TENM2: variants seen among roughly 807,000 people sequenced by gnomAD.
The protein encoded by TENM2 is teneurin-2.
A neutral mutation model predicts 245.2 loss-of-function variants in TENM2; 52 were observed. The observed-to-expected ratio is 0.21, with a 90% CI of 0.17 to 0.27. The LOEUF is 0.27. Among genes scored for constraint, TENM2 ranks in the 10% least tolerant of loss-of-function variants. TENM2 has a pLI of 1.00. For synonymous variants in TENM2, 1,363 were observed against 1,438.9 expected (o/e 0.95, Z 1.19); for missense variants, 3,046 against 3,666.8 (o/e 0.83, Z 4.37).
chr5:167,936,603 A>C (rs1225083700), intron 3 of TENM2, among the ~76,000 whole-genome samples: 1 of 152,184 alleles, frequency 6.6e-6, no homozygotes, highest in Non-Finnish European at 1.5e-5. Flanking sequence ...AGTCTATCCT[A>C]TTCTTAGCAT....
intron 2 of TENM2, among the ~76,000 whole-genome samples, chr5:167,639,830 C>T (rs1220903008): frequency 6.6e-6 from 1 of 152,108 alleles, no homozygotes; most frequent in Non-Finnish European, 1.5e-5. Flanking sequence ...TAAAACAGTG[C>T]CTGGTACATG....
At chr5:167,392,278 T>C (rs547745492) in intron 2 of TENM2, among the ~76,000 whole-genome samples, 12 of 152,286 alleles carry the variant, frequency 7.9e-5, no homozygotes, top group African/African-American at 2.9e-4. Context: ...TATGTGTCAG[T>C]TTGACTGGAC....
intron 4 of TENM2, 145 bp downstream of exon 6, chr5:167,952,967 C>G: frequency 1.5e-6 from 1 of 678,644 alleles, no homozygotes; most frequent in Non-Finnish European, 2.5e-6. Flanking sequence ...CTCCTTGTTC[C>G]CTTGGTAATT....
chr5:167,751,980 G>A lies in TENM2; in HGVS notation c.503-124006G>A, dbSNP rs542684379. Among the ~76,000 whole-genome samples, 11 of 147,238 alleles carry A rather than the reference G, an allele frequency of 7.5e-5. No individual in the cohort carries two copies. The East Asian group carries it at 9.2e-4, about 12-fold the overall frequency. On this transcript the variant is annotated intron_variant, in intron 2 of 28. Transcript: ENST00000518659. ...CACACACACACACACACACACATGC[G>A]CGCACACGATTGTGCAAATAAATAT...
At chr5:167,412,976 T>C (rs1762985629) in intron 2 of TENM2, among the ~76,000 whole-genome samples, 1 of 151,898 alleles carries the variant, frequency 6.6e-6, no homozygotes, top group South Asian at 2.1e-4. Flanking sequence ...CCCTGCCAAA[T>C]GTTAATCCCT....
the TENM2 span, among the ~76,000 whole-genome samples, chr5:167,268,334 C>A: frequency 0.11 from 17,187 of 152,212 alleles, 1,135 homozygotes; most frequent in East Asian, 0.18. Flanking sequence ...GCAGTTAAAT[C>A]CAAATGCATC....
rs555289255 is a variant in TENM2 at position 167,990,414 on chromosome 5, C to T, written c.948-2530C>T. ...TGGTTAAGTTCTTTTGCTACGTAAT[C>T]CTGCATGATATTGTAGGATTAGTGA... On this transcript the variant is annotated intron_variant, in intron 4 of 28. Coordinates refer to ENST00000518659, the Ensembl canonical transcript of TENM2. Among the ~76,000 whole-genome samples the T allele has an allele frequency of 1.3e-3, 201 of 152,282 alleles. 1 individual carries two copies. Among genetic ancestry groups the T allele is most frequent in the African/African-American group, 4.7e-3 (194 of 41,558 alleles).
At chr5:167,964,059 C>G (rs964107816) in intron 4 of TENM2, among the ~76,000 whole-genome samples, 1 of 152,090 alleles carries the variant, frequency 6.6e-6, no homozygotes. Flanking sequence ...TTACAGAATC[C>G]CTCTACCCTC....
At chr5:167,261,410 A>G in the TENM2 span, among the ~76,000 whole-genome samples, 7,680 of 152,178 alleles carry the variant, frequency 0.05, 277 homozygotes, top group Non-Finnish European at 0.078. Flanking sequence ...GAATTCCATG[A>G]GATCATGCAC....
chr5:168,212,969 G>C (rs985571180), intron 20 of TENM2, among the ~76,000 whole-genome samples: 1 of 152,114 alleles, frequency 6.6e-6, no homozygotes, highest in African/African-American at 2.4e-5. Flanking sequence ...CCTCAAATCA[G>C]GCTCCCTAGA....
the TENM2 span, among the ~76,000 whole-genome samples, chr5:167,237,670 A>G: frequency 6.6e-6 from 1 of 152,184 alleles, no homozygotes; most frequent in Non-Finnish European, 1.5e-5. Context: ...AATGAATGTC[A>G]GCAGCTTGGA....
the TENM2 span, among the ~76,000 whole-genome samples, chr5:167,114,145 T>A: frequency 2.0e-5 from 3 of 152,220 alleles, no homozygotes; most frequent in Admixed American, 6.5e-5. Flanking sequence ...ATCATTTTGT[T>A]TTTTTGTTCT....
intron 2 of TENM2, among the ~76,000 whole-genome samples, chr5:167,625,424 GTTA>G (rs1361186521): frequency 1.3e-5 from 2 of 151,932 alleles, no homozygotes; most frequent in African/African-American, 4.8e-5. Context: ...CATCCAAAAT[GTTA>G]TTATTAATAA....
the TENM2 span, among the ~76,000 whole-genome samples, chr5:167,241,863 T>C: frequency 6.6e-6 from 1 of 152,154 alleles, no homozygotes; most frequent in African/African-American, 2.4e-5. Context: ...AGAGTAACGG[T>C]TGATGGCTGA....
intron 6 of TENM2, among the ~76,000 whole-genome samples, chr5:168,048,532 A>G (rs1788810709): frequency 1.3e-5 from 2 of 152,208 alleles, no homozygotes; most frequent in African/African-American, 4.8e-5. Context: ...AAGGAAGGAA[A>G]AATCTCTCTG....
intron 9 of TENM2, among the ~76,000 whole-genome samples, chr5:168,114,724 G>A (rs1194156563): frequency 6.6e-6 from 1 of 152,204 alleles, no homozygotes; most frequent in Non-Finnish European, 1.5e-5. Context: ...AGCCCATTGA[G>A]TGTCCTGCTT....
At chr5:167,385,177 G>C (rs1225545241) in intron 2 of TENM2, among the ~76,000 whole-genome samples, 1 of 152,066 alleles carries the variant, frequency 6.6e-6, no homozygotes, top group African/African-American at 2.4e-5. Context: ...GGTGAACGTT[G>C]GCTAGAACTA....
chr5:167,660,798 AT>A (rs1312501647), intron 2 of TENM2, among the ~76,000 whole-genome samples: 2 of 152,124 alleles, frequency 1.3e-5, no homozygotes, highest in East Asian at 3.9e-4. Context: ...TGTATTACAT[AT>A]TTTATGTTCC....
intron 5 of TENM2, among the ~76,000 whole-genome samples, chr5:168,021,492 C>A (rs1786139101): frequency 6.6e-6 from 1 of 152,230 alleles, no homozygotes; most frequent in South Asian, 2.1e-4. Context: ...GCCTTCCTTT[C>A]CTTGCGTGTT....
Sources: allele counts gnomAD v4.1 joint callset (sites outside exome capture counted in the v4.1 genomes callset), GRCh38; gene constraint gnomAD v4.1.1; transcripts MANE v1.5; gene names NCBI Gene and HGNC (gene_info 2026-07-23, HGNC 2026-07-21).